ZNF682: variants seen among roughly 807,000 people sequenced by gnomAD.
The protein encoded by ZNF682 is zinc finger protein 682.
ZNF682 carries 29 observed loss-of-function variants against 36.5 expected under a neutral mutation model. The observed-to-expected ratio is 0.80, with a 90% CI of 0.59 to 1.08. The LOEUF (loss-of-function observed/expected upper bound fraction) is 1.08, where lower values mean the gene tolerates loss of function less well. ZNF682 is among the 50% of genes least tolerant of loss of function. The probability of loss-of-function intolerance (pLI) is 0.00; values close to 1 mark genes in which losing one functional copy is unlikely to be tolerated. For missense variants in ZNF682, 561 were observed against 579.7 expected, an observed-to-expected ratio of 0.97 and a Z score of 0.33; for synonymous variants, 180 against 197.0, an observed-to-expected ratio of 0.91 and a Z score of 0.72.
rs767367128 is a variant in ZNF682, at chr19:20,006,287, A to C, written c.1215T>G (p.Ala405=). Residue 405 remains alanine (A), a synonymous_variant, in exon 4 of 4, where the codon GCT becomes GCG. Transcript: ENST00000397165. The part of the protein sequence containing the change: ...KPYKCEECGK[A]FNWSSILTEH... ...CAGTAAGGATTGAGGACCAGTTAAA[A>C]GCTTTGCCACATTCTTCACATTTGT... 1.2e-6 allele frequency: 2 copies of C among 1,613,314 alleles called. No individual in the cohort carries two copies. The highest frequency in any genetic ancestry group is 1.7e-6 in the Non-Finnish European group (2 of 1,179,862).
chr19:20,019,810 A>G (rs2088368107), intron 3 of ZNF682, among the ~76,000 whole-genome samples: 2 of 152,182 alleles, frequency 1.3e-5, no homozygotes, highest in South Asian at 4.1e-4. Flanking sequence ...TATTATCAAG[A>G]GACACTTATA....
intron 3 of ZNF682, among the ~76,000 whole-genome samples, chr19:20,012,716 C>A (rs536380817): frequency 2.0e-5 from 3 of 147,368 alleles, no homozygotes; most frequent in Admixed American, 6.9e-5. Flanking sequence ...TGCAGTGAAC[C>A]GAGATCGCGC....
chr19:20,008,183 C>G (rs1024505713), intron 3 of ZNF682: 1 of 152,252 alleles, frequency 6.6e-6, no homozygotes, highest in African/African-American at 2.4e-5. Context: ...TGTCAGCACA[C>G]AGAGAAGTCA....
intron 3 of ZNF682, among the ~76,000 whole-genome samples, chr19:20,012,669 G>A (rs1343032504): frequency 6.6e-6 from 1 of 151,270 alleles, no homozygotes; most frequent in African/African-American, 2.4e-5. Context: ...TCGGGAGGCT[G>A]AGGCAGGAGA....
chr19:20,035,580 G>T (rs551774672), intron 1 of ZNF682, among the ~76,000 whole-genome samples: 2 of 152,018 alleles, frequency 1.3e-5, no homozygotes, highest in Non-Finnish European at 2.9e-5. Flanking sequence ...TAACATATTA[G>T]TCATAACGTA....
intron 3 of ZNF682, chr19:20,015,150 A>T: frequency 2.1e-6 from 2 of 961,770 alleles, no homozygotes; most frequent in Non-Finnish European, 2.5e-6. Flanking sequence ...CCTAAAATAA[A>T]GTTATAAAGC....
rs917561869 is a variant in ZNF682 at position 20,013,941 on chromosome 19, T to TA, written c.227-6667dup. 1.3e-3 allele frequency among the ~76,000 whole-genome samples: 204 copies of TA among 152,232 alleles called. 1 individual carries two copies. The highest frequency in any genetic ancestry group is 4.8e-3 in the African/African-American group (198 of 41,532). ...TATTATGACCAAAATGGAATGAAAC[T>TA]AAAAATTAGTAATAGAAAAAAATCC... On this transcript the variant is annotated intron_variant, in intron 3 of 3. Transcript: ENST00000397165.
At chr19:20,030,417 G>A (rs1382277991) in intron 1 of ZNF682, among the ~76,000 whole-genome samples, 3 of 151,896 alleles carry the variant, frequency 2.0e-5, no homozygotes, top group Non-Finnish European at 2.9e-5. Flanking sequence ...TAAAAACACA[G>A]AAATTAGCCG....
At chr19:20,000,195 C>G (rs17699483), downstream of ZNF682, among the ~76,000 whole-genome samples, 7,306 of 152,232 alleles carry the variant, frequency 0.048, 362 homozygotes, top group East Asian at 0.2. Flanking sequence ...CTTGAAGAGT[C>G]TAACATACTT....
chr19:20,030,824 T>C (rs1289422430), intron 1 of ZNF682: 2 of 152,222 alleles, frequency 1.3e-5, no homozygotes, highest in African/African-American at 4.8e-5. Context: ...AAGTAATTGG[T>C]TGATCAGTCT....
In ZNF682 at chr19:20,006,689, G is replaced by T; in HGVS notation, c.813C>A (p.Pro271=). 6.2e-7 allele frequency: 1 copy of T among 1,613,826 alleles called. No homozygotes were observed. Among genetic ancestry groups the T allele is most frequent in the Admixed American group, 1.7e-5 (1 of 59,988 alleles). Reference sequence around the variant, plus strand: ...TATGAATTTTCTTATGTCTAACAAAGGGTGAACACCAGTGAAAGGCTTTTC... The same window carrying T: ...TATGAATTTTCTTATGTCTAACAAATGGTGAACACCAGTGAAAGGCTTTTC... ...ECGKAFHWCS[P]FVRHKKIHTG... The change falls in exon 4 of 4, where the codon CCC becomes CCA. Residue 271 remains proline, a synonymous_variant. Transcript: ENST00000397165.
At chr19:20,031,042 G>C (rs2088475212) in intron 1 of ZNF682, 1 of 152,282 alleles carries the variant, frequency 6.6e-6, no homozygotes, top group Non-Finnish European at 1.5e-5. Flanking sequence ...CTCAGGTGCT[G>C]GGAAGAGGGT....
chr19:20,012,180 G>A (rs1020099596), intron 3 of ZNF682, among the ~76,000 whole-genome samples: 3 of 152,066 alleles, frequency 2.0e-5, no homozygotes, highest in South Asian at 4.1e-4. Context: ...AAAGAAATGA[G>A]AAAAACGAGA....
At chr19:20,007,648 C>T (rs1599603536) in intron 3 of ZNF682, 1 of 184,476 alleles carries the variant, frequency 5.4e-6, no homozygotes, top group East Asian at 1.5e-4. Context: ...ACTTTGGTTC[C>T]TTCTCCTTGA....
intron 2 of ZNF682, 91 bp from the exon 3 acceptor site, chr19:20,023,190 T>G: frequency 8.9e-7 from 1 of 1,124,860 alleles, no homozygotes; most frequent in Non-Finnish European, 1.3e-6. Context: ...GAGAATATTA[T>G]AGATGATTCT....
chr19:20,015,596 G>A, intron 3 of ZNF682: 1 of 211,444 alleles, frequency 4.7e-6, no homozygotes, highest in Non-Finnish European at 8.2e-6. Flanking sequence ...ACATAGTGGA[G>A]TACTGATGAA....
intron 1 of ZNF682, among the ~76,000 whole-genome samples, chr19:20,027,994 A>C (rs1047481642): frequency 2.0e-5 from 3 of 152,088 alleles, no homozygotes; most frequent in Admixed American, 2.0e-4. Context: ...TTTATCTTAC[A>C]ATTACATGGG....
At chr19:20,032,817 C>T (rs750381483) in intron 1 of ZNF682, among the ~76,000 whole-genome samples, 4 of 152,184 alleles carry the variant, frequency 2.6e-5, no homozygotes, top group South Asian at 2.1e-4. Context: ...ACTCACTTGT[C>T]GTAGATAGTT....
chr19:20,018,580 A>G (rs1036589664), intron 3 of ZNF682, among the ~76,000 whole-genome samples: 2 of 152,242 alleles, frequency 1.3e-5, no homozygotes, highest in Non-Finnish European at 2.9e-5. Flanking sequence ...ACGTGTGTAC[A>G]TAATCAAATA....
Sources: gnomAD v4.1 joint callset for allele counts (sites outside exome capture counted in the v4.1 genomes callset) on GRCh38, gnomAD v4.1.1 for gene constraint, MANE v1.5 for transcripts, NCBI Gene and HGNC (gene_info 2026-07-23, HGNC 2026-07-21) for gene names.